CHST11: variants seen among roughly 807,000 people sequenced by gnomAD.
CHST11 encodes the protein C4S-1.
A neutral mutation model predicts 30.4 loss-of-function variants in CHST11; 9 were observed. That is an observed-to-expected ratio of 0.30 (90% CI 0.18 to 0.52). The LOEUF (loss-of-function observed/expected upper bound fraction) is 0.52, where lower values mean the gene tolerates loss of function less well. CHST11 is among the 20% of genes least tolerant of loss of function. CHST11 has a pLI of 0.97. For missense variants in CHST11, 348 were observed against 460.6 expected, an observed-to-expected ratio of 0.76 and a Z score of 2.24; for synonymous variants, 152 against 187.8, an observed-to-expected ratio of 0.81 and a Z score of 1.56.
Position 104,515,326 on chromosome 12 carries a change from T to G in CHST11, c.118+57797T>G, listed in dbSNP as rs1348735186. Among the ~76,000 whole-genome samples the G allele has an allele frequency of 3.0e-4, 45 of 152,192 alleles. 1 individual carries two copies. Among genetic ancestry groups the G allele is most frequent in the Admixed American group, 2.9e-3 (45 of 15,286 alleles). ...AATAGGCCTGTGAAGCTGAAGGCAC[T>G]TATCTGGCCCTTTACAGGAAAAAAT... On this transcript the variant is annotated intron_variant, in intron 1 of 2. Coordinates refer to ENST00000303694, the MANE Select transcript of CHST11 (RefSeq NM_018413.6).
chr12:104,669,423 T>A (rs1042041530), intron 2 of CHST11, among the ~76,000 whole-genome samples: 1 of 151,784 alleles, frequency 6.6e-6, no homozygotes, highest in Non-Finnish European at 1.5e-5. Flanking sequence ...GCAAATGATT[T>A]TTTTTCCCCC....
intron 1 of CHST11, among the ~76,000 whole-genome samples, chr12:104,601,160 C>T (rs2038954330): frequency 6.6e-6 from 1 of 151,976 alleles, no homozygotes; most frequent in Non-Finnish European, 1.5e-5. Flanking sequence ...ATGATCAAGC[C>T]CATGACTATG....
intron 2 of CHST11, among the ~76,000 whole-genome samples, chr12:104,653,794 C>T (rs764591416): frequency 1.3e-5 from 2 of 152,170 alleles, no homozygotes; most frequent in African/African-American, 2.4e-5. Flanking sequence ...AGTGACCTCC[C>T]GAGATCATGT....
At chr12:104,481,589 C>T (rs961533752) in intron 1 of CHST11, among the ~76,000 whole-genome samples, 4 of 152,024 alleles carry the variant, frequency 2.6e-5, no homozygotes, top group South Asian at 2.1e-4. Flanking sequence ...GATTCTCTCA[C>T]GCGTCGATGG....
Position 104,760,309 on chromosome 12 carries a change from G to A in CHST11, c.*2506G>A, listed in dbSNP as rs2463437. On this transcript the variant is annotated 3_prime_UTR_variant, in exon 3 of 3. Coordinates refer to ENST00000303694, the MANE Select transcript of CHST11 (RefSeq NM_018413.6). Reference sequence around the variant, plus strand: ...AGTCTCCATCTGGTTTATAGCAACAGAGGTACTTTATTTAATGAAGCAATG... The same window carrying A: ...AGTCTCCATCTGGTTTATAGCAACAAAGGTACTTTATTTAATGAAGCAATG... 98,932 of 151,618 alleles carry A rather than the reference G, an allele frequency of 0.65. 32,460 individuals are homozygous for A. Among genetic ancestry groups the A allele is most frequent in the Middle Eastern group, 0.74 (218 of 294 alleles). 9.4% of individuals were successfully genotyped at this position (151,618 alleles called of 1,614,324 possible).
At chr12:104,581,808 G>T (rs548508066) in intron 1 of CHST11, among the ~76,000 whole-genome samples, 18 of 152,196 alleles carry the variant, frequency 1.2e-4, no homozygotes, top group Non-Finnish European at 1.6e-4. Flanking sequence ...GCCTCAGAAG[G>T]CACAGGGCAT....
chr12:104,641,069 T>G (rs2039371801), intron 2 of CHST11, among the ~76,000 whole-genome samples: 1 of 152,138 alleles, frequency 6.6e-6, no homozygotes, highest in South Asian at 2.1e-4. Flanking sequence ...ATGGCATAGC[T>G]TTAGAGATGA....
At position 104,528,105 on chromosome 12, in the gene CHST11, G is replaced by T. The variant is rs1565975729; in HGVS notation, c.118+70576G>T. ...GATGATAAACCTTGATTTTTCACAG[G>T]GTGTTAATAGCTTCATACAGGTATG... On this transcript the variant is annotated intron_variant, in intron 1 of 2. Coordinates refer to ENST00000303694, the MANE Select transcript of CHST11 (RefSeq NM_018413.6). 2.6e-5 allele frequency among the ~76,000 whole-genome samples: 4 copies of T among 152,134 alleles called. No homozygotes were observed. In the South Asian group the frequency reaches 8.3e-4, roughly 31 times the overall value.
rs115563037 is a variant in CHST11 at position 104,647,473 on chromosome 12, T to A, written c.204+45482T>A. Among the ~76,000 whole-genome samples, 240 of 152,340 alleles carry A rather than the reference T, an allele frequency of 1.6e-3. 4 individuals are homozygous for A. Among genetic ancestry groups the A allele is most frequent in the African/African-American group, 5.4e-3 (226 of 41,572 alleles). The stretch of plus-strand genomic sequence containing the variant: ...ATTGGAAGGACTTTAATTCCTCTAC[T>A]CAAAGGTAATTATTGTAAACATTTA... On this transcript the variant is annotated intron_variant, in intron 2 of 2. Transcript: ENST00000303694.
chr12:104,639,579 G>T (rs1482104576), intron 2 of CHST11, among the ~76,000 whole-genome samples: 1 of 152,216 alleles, frequency 6.6e-6, no homozygotes, highest in Non-Finnish European at 1.5e-5. Context: ...TTATGGGATA[G>T]AGGAGCAAGG....
intron 1 of CHST11, among the ~76,000 whole-genome samples, chr12:104,548,160 G>A (rs921595149): frequency 6.6e-6 from 1 of 152,136 alleles, no homozygotes; most frequent in Non-Finnish European, 1.5e-5. Context: ...TTCACCTTTG[G>A]GCTGTCAAGG....
chr12:104,682,761 AT>A (rs1479400691), intron 2 of CHST11, among the ~76,000 whole-genome samples: 1 of 152,234 alleles, frequency 6.6e-6, no homozygotes, highest in Non-Finnish European at 1.5e-5. Flanking sequence ...TGGGAAATAA[AT>A]TCTGCCCCAT....
intron 2 of CHST11, among the ~76,000 whole-genome samples, chr12:104,699,485 T>A (rs2039974278): frequency 6.6e-6 from 1 of 152,184 alleles, no homozygotes; most frequent in Admixed American, 6.5e-5. Context: ...GCTAGAACAT[T>A]TTAGATTGTA....
At chr12:104,731,275 C>T (rs2040255401) in intron 2 of CHST11, among the ~76,000 whole-genome samples, 1 of 152,124 alleles carries the variant, frequency 6.6e-6, no homozygotes. Context: ...CAAGGGCAGC[C>T]CGAACAGGGA....
intron 1 of CHST11, among the ~76,000 whole-genome samples, chr12:104,496,970 C>A (rs1400709424): frequency 1.3e-5 from 2 of 152,162 alleles, no homozygotes. Flanking sequence ...TTTAGCCCCT[C>A]TTGCAACAGT....
chr12:104,521,517 CCAAGAATA>C (rs1298739511), intron 1 of CHST11, among the ~76,000 whole-genome samples: 4 of 152,048 alleles, frequency 2.6e-5, no homozygotes, highest in Admixed American at 6.6e-5. Context: ...AATGACTTGC[CCAAGAATA>C]CACTGAGTGA....
At chr12:104,675,746 T>A (rs929355872) in intron 2 of CHST11, among the ~76,000 whole-genome samples, 2 of 152,248 alleles carry the variant, frequency 1.3e-5, no homozygotes, top group Non-Finnish European at 2.9e-5. Context: ...ATTGCCATTC[T>A]TACAGGGTTG....
chr12:104,496,232 A>G (rs757722119), intron 1 of CHST11, among the ~76,000 whole-genome samples: 8 of 152,126 alleles, frequency 5.3e-5, no homozygotes, highest in Non-Finnish European at 1.0e-4. Flanking sequence ...AGGTGTGTTG[A>G]TGAGTTATTG....
intron 2 of CHST11, among the ~76,000 whole-genome samples, chr12:104,636,410 C>G (rs373563049): frequency 2.0e-5 from 3 of 152,228 alleles, no homozygotes; most frequent in African/African-American, 7.2e-5. Context: ...TTCTCTCCGT[C>G]TGTTCTCCAT....
Sources: allele counts gnomAD v4.1 joint callset (sites outside exome capture counted in the v4.1 genomes callset), GRCh38; gene constraint gnomAD v4.1.1; transcripts MANE v1.5; gene names NCBI Gene and HGNC (gene_info 2026-07-23, HGNC 2026-07-21).